Variants in RAB1A observed in about 807,000 individuals in gnomAD.
The protein encoded by RAB1A is ras-related protein Rab-1A.
A neutral mutation model predicts 26.0 loss-of-function variants in RAB1A; 2 were observed. The ratio of observed to expected loss-of-function variants is 0.08; its 90% CI spans 0.03 to 0.24. The LOEUF is 0.24. Ranked by LOEUF, RAB1A falls within the 10% of genes least tolerant of loss-of-function variation. The probability of loss-of-function intolerance (pLI) is 1.00; values close to 1 mark genes in which losing one functional copy is unlikely to be tolerated. For synonymous variants in RAB1A, 84 were observed against 84.9 expected (o/e 0.99, Z 0.06); for missense variants, 100 against 247.0 (o/e 0.40, Z 3.99).
intron 2 of RAB1A, among the ~76,000 whole-genome samples, chr2:65,104,296 A>G (rs1285642298): frequency 6.6e-6 from 1 of 152,080 alleles, no homozygotes; most frequent in East Asian, 1.9e-4. Flanking sequence ...TCCTAGACTC[A>G]AGTGATCCTT....
chr2:65,122,154 TCAAAA>T (rs1392057534), intron 1 of RAB1A, among the ~76,000 whole-genome samples: 3 of 115,784 alleles, frequency 2.6e-5, no homozygotes, highest in Admixed American at 9.0e-5. Flanking sequence ...AGACTCTATC[TCAAAA>T]AAAAAAAAAA....
intron 1 of RAB1A, chr2:65,105,355 A>C (rs1669527851): frequency 5.5e-6 from 1 of 181,960 alleles, no homozygotes; most frequent in Non-Finnish European, 1.2e-5. Flanking sequence ...AAATACAAAA[A>C]TTAGCTGGGC....
intron 1 of RAB1A, among the ~76,000 whole-genome samples, chr2:65,126,776 G>A (rs1206009302): frequency 1.3e-5 from 2 of 152,112 alleles, no homozygotes; most frequent in South Asian, 2.1e-4. Context: ...TTTGGAGTTT[G>A]GAACAAGATG....
At chr2:65,096,628 T>C (rs1390258476) in intron 3 of RAB1A, among the ~76,000 whole-genome samples, 1 of 152,132 alleles carries the variant, frequency 6.6e-6, no homozygotes, top group Non-Finnish European at 1.5e-5. Context: ...TGGGAAAAAA[T>C]ATGGAGGGTA....
chr2:65,125,516 G>C (rs1159348455), intron 1 of RAB1A, among the ~76,000 whole-genome samples: 2 of 147,888 alleles, frequency 1.4e-5, no homozygotes, highest in Non-Finnish European at 3.0e-5. Flanking sequence ...CCGCCTCCCA[G>C]GTTCAAGTGA....
At chr2:65,094,584 CAAAAA>C (rs11301138) in intron 3 of RAB1A, among the ~76,000 whole-genome samples, 2 of 121,050 alleles carry the variant, frequency 1.7e-5, no homozygotes, top group Non-Finnish European at 1.7e-5. Context: ...AACTCCGTCT[CAAAAA>C]AAAAAAAAAA....
chr2:65,108,731 G>A (rs1669622419), intron 1 of RAB1A, among the ~76,000 whole-genome samples: 1 of 151,980 alleles, frequency 6.6e-6, no homozygotes, highest in South Asian at 2.1e-4. Context: ...ACTTGAACCC[G>A]AGAGGCGGAG....
intron 2 of RAB1A, among the ~76,000 whole-genome samples, chr2:65,098,521 T>C (rs989589746): frequency 2.5e-5 from 3 of 121,368 alleles, no homozygotes; most frequent in Middle Eastern, 7.3e-3. Flanking sequence ...CAATCTTGCT[T>C]CCTAATTATG....
intron 3 of RAB1A, among the ~76,000 whole-genome samples, chr2:65,092,109 C>T (rs953337015): frequency 3.3e-5 from 5 of 152,056 alleles, no homozygotes; most frequent in African/African-American, 7.2e-5. Flanking sequence ...CCTGTCTCTA[C>T]TAAAAATCCA....
Position 65,105,491 on chromosome 2 carries a change from A to G in RAB1A, c.24-685T>C, listed in dbSNP as rs1470552814. 3.4e-5 allele frequency: 5 copies of G among 145,388 alleles called. No homozygotes were observed. The East Asian group carries it at 8.1e-4, about 23-fold the overall frequency. The allele number at this position is 145,388 out of a possible 1,614,324, so 9.0% of individuals were successfully genotyped here. A position where few individuals can be genotyped will look rare whatever the true frequency, so the allele number is the denominator to read the frequency against. On this transcript the variant is annotated intron_variant, in intron 1 of 5. Coordinates refer to ENST00000409784, the MANE Select transcript of RAB1A (RefSeq NM_004161.5). ...CTGCATTCCAGCTCCAGCCTGGGCA[A>G]TAAGAACGAAACTCTGTCTCAAAAA...
At chr2:65,102,818 T>G (rs1437758304) in intron 2 of RAB1A, among the ~76,000 whole-genome samples, 1 of 151,216 alleles carries the variant, frequency 6.6e-6, no homozygotes, top group Non-Finnish European at 1.5e-5. Context: ...CCCAGCTACT[T>G]GGGAGGCTAC....
At chr2:65,107,396 C>T (rs1028980832) in intron 1 of RAB1A, among the ~76,000 whole-genome samples, 16 of 152,088 alleles carry the variant, frequency 1.1e-4, no homozygotes, top group African/African-American at 3.9e-4. Context: ...GAACACTGAA[C>T]ATTAACAATG....
chr2:65,103,304 A>AAAAACAAAAAAAAAAAAC (rs1553392775), intron 2 of RAB1A, among the ~76,000 whole-genome samples: 1 of 112,502 alleles, frequency 8.9e-6, no homozygotes, highest in African/African-American at 3.1e-5. Flanking sequence ...TGTCTCAAAA[A>AAAAACAAAAAAAAAAAAC]AAAAAAAAAA....
At chr2:65,118,559 C>CCT (rs1669876770) in intron 1 of RAB1A, among the ~76,000 whole-genome samples, 1 of 152,130 alleles carries the variant, frequency 6.6e-6, no homozygotes, top group African/African-American at 2.4e-5. Flanking sequence ...CTCACTGCAA[C>CCT]CTCTGCCTCC....
intron 1 of RAB1A, among the ~76,000 whole-genome samples, chr2:65,126,318 A>T (rs1670100856): frequency 6.6e-6 from 1 of 151,976 alleles, no homozygotes; most frequent in African/African-American, 2.4e-5. Flanking sequence ...CATCTCGAAA[A>T]AAAGAAAAAG....
At position 65,130,085 on chromosome 2, in the gene RAB1A, A is replaced by G. The variant is rs937005527; in HGVS notation, c.-170T>C. Reference sequence around the variant, plus strand: ...ACACAATCAGCAGCCGCCGCCACTCAGCTATCGCTTCCACCCAAAATGGCC... The same window carrying G: ...ACACAATCAGCAGCCGCCGCCACTCGGCTATCGCTTCCACCCAAAATGGCC... On this transcript the variant is annotated 5_prime_UTR_variant, in exon 1 of 6. Transcript: ENST00000409784. 2.6e-6 allele frequency: 2 copies of G among 781,326 alleles called. No homozygotes were observed. Among genetic ancestry groups the G allele is most frequent in the African/African-American group, 1.7e-5 (1 of 58,446 alleles). The allele number at this position is 781,326 out of a possible 1,614,324, so 48.4% of individuals were successfully genotyped here.
In RAB1A at chr2:65,130,010, G is replaced by T; in HGVS notation, c.-95C>A. 7.3e-7 allele frequency: 1 copy of T among 1,376,910 alleles called. No homozygotes were observed. Among genetic ancestry groups the T allele is most frequent in the Non-Finnish European group, 1.0e-6 (1 of 990,208 alleles). The allele number at this position is 1,376,910 out of a possible 1,614,324, so 85.3% of individuals were successfully genotyped here. Reference sequence around the variant, plus strand: ...ACGGGTAATCGAAAGAAAGGAATGAGATAGGCTGTTCCGGGAGAGCAAACG... The same window carrying T: ...ACGGGTAATCGAAAGAAAGGAATGATATAGGCTGTTCCGGGAGAGCAAACG... On this transcript the variant is annotated 5_prime_UTR_variant, in exon 1 of 6. Transcript: ENST00000409784.
At chr2:65,089,338 G>C (rs1197399601) in intron 4 of RAB1A, among the ~76,000 whole-genome samples, 1 of 151,950 alleles carries the variant, frequency 6.6e-6, no homozygotes, top group East Asian at 1.9e-4. Context: ...TCCGCCTCCG[G>C]GATAGCTGGG....
chr2:65,129,961 G>GA lies in RAB1A; in HGVS notation c.-47_-46insT. ...CGCCACCGCCGCCCTTGCTGCCGCA[G>GA]CCGCCGCCCTGACTCTCCGCGCCAC... On this transcript the variant is annotated 5_prime_UTR_variant, in exon 1 of 6. Transcript: ENST00000409784. 6.4e-7 allele frequency: 1 copy of GA among 1,568,912 alleles called. No individual in the cohort carries two copies. The highest frequency in any genetic ancestry group is 8.6e-7 in the Non-Finnish European group (1 of 1,157,768).
Sources: gnomAD v4.1 joint callset for allele counts (sites outside exome capture counted in the v4.1 genomes callset) on GRCh38, gnomAD v4.1.1 for gene constraint, MANE v1.5 for transcripts, NCBI Gene and HGNC (gene_info 2026-07-23, HGNC 2026-07-21) for gene names.